The following MAMDC2 variants were observed in gnomAD, a reference collection of about 807,000 sequenced individuals.
The protein encoded by MAMDC2 is MAM domain-containing protein 2.
Under a neutral mutation model 89.8 loss-of-function variants are expected in MAMDC2, and 57 were observed. The ratio of observed to expected loss-of-function variants is 0.63; its 90% confidence interval spans 0.51 to 0.79. The LOEUF (loss-of-function observed/expected upper bound fraction) is 0.79. Among genes scored for constraint, MAMDC2 ranks in the 30% least tolerant of loss-of-function variants. The pLI is 0.00. For synonymous variants in MAMDC2, 313 were observed against 293.4 expected (o/e 1.07, Z -0.68); for missense variants, 800 against 820.6 (o/e 0.97, Z 0.31).
At chr9:70,099,683 A>G (rs1290799031) in intron 2 of MAMDC2, among the ~76,000 whole-genome samples, 1 of 152,142 alleles carries the variant, frequency 6.6e-6, no homozygotes, top group Admixed American at 6.5e-5. Context: ...GGTGTCAGAA[A>G]GGTAGGGCAG....
intron 6 of MAMDC2, among the ~76,000 whole-genome samples, chr9:70,128,566 G>C (rs1371485972): frequency 6.6e-6 from 1 of 152,110 alleles, no homozygotes; most frequent in East Asian, 1.9e-4. Context: ...AAGAAACCGA[G>C]GGCTGGAGAA....
intron 2 of MAMDC2, among the ~76,000 whole-genome samples, chr9:70,058,501 T>A (rs193157661): frequency 2.6e-5 from 4 of 152,296 alleles, no homozygotes; most frequent in African/African-American, 9.6e-5. Context: ...TCCGTGTTTT[T>A]TATTATTAAT....
intron 11 of MAMDC2, among the ~76,000 whole-genome samples, chr9:70,205,130 C>T (rs1205538925): frequency 6.6e-6 from 1 of 152,198 alleles, no homozygotes; most frequent in African/African-American, 2.4e-5. Flanking sequence ...ATTCTACTTA[C>T]ACAGAGAAGG....
intron 2 of MAMDC2, chr9:70,089,083 GA>G (rs1827833102): frequency 6.6e-6 from 1 of 152,104 alleles, no homozygotes; most frequent in Non-Finnish European, 1.5e-5. Flanking sequence ...TACATTTCCT[GA>G]AATCATGCAC....
chr9:70,068,795 T>A (rs896553365), intron 2 of MAMDC2, among the ~76,000 whole-genome samples: 1 of 150,336 alleles, frequency 6.7e-6, no homozygotes, highest in Non-Finnish European at 1.5e-5. Context: ...AAATGTGATA[T>A]GTGCAACAGG....
At chr9:70,101,513 T>C (rs1828195924) in intron 2 of MAMDC2, among the ~76,000 whole-genome samples, 1 of 152,172 alleles carries the variant, frequency 6.6e-6, no homozygotes, top group South Asian at 2.1e-4. Flanking sequence ...ACAGATGTAC[T>C]ATTTCTTATC....
At chr9:70,150,818 C>T (rs2031556613) in intron 9 of MAMDC2, among the ~76,000 whole-genome samples, 1 of 152,186 alleles carries the variant, frequency 6.6e-6, no homozygotes, top group Non-Finnish European at 1.5e-5. Flanking sequence ...TGGATCTTCT[C>T]TTCCATCTTA....
intron 6 of MAMDC2, among the ~76,000 whole-genome samples, chr9:70,129,137 C>T (rs1269038820): frequency 3.3e-5 from 5 of 152,178 alleles, no homozygotes; most frequent in Non-Finnish European, 7.3e-5. Flanking sequence ...GCTGTGTCCC[C>T]ACCAAAATCT....
chr9:70,219,535 C>T (rs1359412317), intron 12 of MAMDC2, among the ~76,000 whole-genome samples: 2 of 152,154 alleles, frequency 1.3e-5, no homozygotes, highest in Admixed American at 1.3e-4. Context: ...TTATTTTGCA[C>T]CAACCTATGA....
intron 11 of MAMDC2, among the ~76,000 whole-genome samples, chr9:70,179,935 G>A (rs2032601029): frequency 6.9e-6 from 1 of 145,446 alleles, no homozygotes; most frequent in Non-Finnish European, 1.5e-5. Flanking sequence ...TGTTACACAG[G>A]TATACATGTG....
At chr9:70,153,004 T>C (rs1321967578) in intron 9 of MAMDC2, 1 of 152,218 alleles carries the variant, frequency 6.6e-6, no homozygotes, top group Non-Finnish European at 1.5e-5. Flanking sequence ...AACATCTCTT[T>C]AATACGTGGA....
chr9:70,114,552 A>G (rs766263499), intron 5 of MAMDC2, among the ~76,000 whole-genome samples: 8 of 152,146 alleles, frequency 5.3e-5, no homozygotes, highest in Non-Finnish European at 8.8e-5. Context: ...TTTACAATAC[A>G]TTCAGGCTTC....
intron 2 of MAMDC2, among the ~76,000 whole-genome samples, chr9:70,096,422 C>T (rs1381133349): frequency 2.0e-5 from 3 of 152,174 alleles, no homozygotes; most frequent in Non-Finnish European, 4.4e-5. Flanking sequence ...TCCAGTCCAT[C>T]GCATGCACAC....
At chr9:70,207,314 T>A (rs2033247479) in intron 11 of MAMDC2, among the ~76,000 whole-genome samples, 1 of 151,740 alleles carries the variant, frequency 6.6e-6, no homozygotes, top group Non-Finnish European at 1.5e-5. Flanking sequence ...TTTTTAATGA[T>A]CGTCATTCTA....
At chr9:70,194,689 G>T (rs146644403) in intron 11 of MAMDC2, 13 of 152,200 alleles carry the variant, frequency 8.5e-5, no homozygotes, top group African/African-American at 3.1e-4. Context: ...TTTGTGAAAA[G>T]AATAATATGT....
intron 5 of MAMDC2, among the ~76,000 whole-genome samples, chr9:70,123,423 A>T (rs10511980): frequency 3.9e-5 from 6 of 151,956 alleles, no homozygotes; most frequent in Non-Finnish European, 8.8e-5. Context: ...GATTCTATCC[A>T]GTCTGTCATT....
At chr9:70,162,006 G>A (rs1402396282) in intron 9 of MAMDC2, among the ~76,000 whole-genome samples, 1 of 152,158 alleles carries the variant, frequency 6.6e-6, no homozygotes, top group Non-Finnish European at 1.5e-5. Context: ...TTGTGAAAAT[G>A]GGTAAGTTAT....
At chr9:70,071,784 G>A (rs974634563) in intron 2 of MAMDC2, 12 of 152,064 alleles carry the variant, frequency 7.9e-5, no homozygotes, top group Admixed American at 7.9e-4. Context: ...TTAATAAGTT[G>A]GGGGGCAGAG....
chr9:70,210,018 G>A (rs989450293), intron 11 of MAMDC2, among the ~76,000 whole-genome samples: 6 of 152,192 alleles, frequency 3.9e-5, no homozygotes, highest in African/African-American at 1.2e-4. Context: ...TATAATTTCT[G>A]TTCTTTTACA....
Sources: gnomAD v4.1 joint callset for allele counts (sites outside exome capture counted in the v4.1 genomes callset) on GRCh38, gnomAD v4.1.1 for gene constraint, MANE v1.5 for transcripts, NCBI Gene and HGNC (gene_info 2026-07-23, HGNC 2026-07-21) for gene names.